RORA: variants seen among roughly 807,000 people sequenced by gnomAD.
RORA encodes the protein RAR related orphan receptor A.
RORA carries 7 observed loss-of-function variants against 69.5 expected under a neutral mutation model. The ratio of observed to expected loss-of-function variants is 0.10; its 90% CI spans 0.06 to 0.19. The LOEUF (loss-of-function observed/expected upper bound fraction) is 0.19, where lower values mean the gene tolerates loss of function less well. Among genes scored for constraint, RORA ranks in the 10% least tolerant of loss-of-function variants. The pLI is 1.00. For synonymous variants in RORA, 261 were observed against 240.8 expected (o/e 1.08, Z -0.78); for missense variants, 457 against 663.0 (o/e 0.69, Z 3.41).
chr15:60,938,131 T>C (rs1364989159), intron 1 of RORA, among the ~76,000 whole-genome samples: 1 of 152,196 alleles, frequency 6.6e-6, no homozygotes, highest in African/African-American at 2.4e-5. Context: ...TGAAAATTGA[T>C]TTTTGAGGGC....
intron 2 of RORA, among the ~76,000 whole-genome samples, chr15:60,539,833 T>C (rs757432816): frequency 2.6e-5 from 4 of 152,196 alleles, no homozygotes; most frequent in Admixed American, 6.5e-5. Context: ...ATAAAGGTAA[T>C]TGGCTATTTA....
At chr15:60,527,275 C>T (rs79578640) in intron 3 of RORA, among the ~76,000 whole-genome samples, 3,890 of 152,312 alleles carry the variant, frequency 0.026, 171 homozygotes, top group African/African-American at 0.09. Context: ...CAAATGTTCA[C>T]CCTCATCATC....
chr15:60,999,256 G>A (rs1311381172), intron 1 of RORA, among the ~76,000 whole-genome samples: 6 of 152,110 alleles, frequency 3.9e-5, no homozygotes, highest in Non-Finnish European at 8.8e-5. Context: ...TTCCTCTCAC[G>A]GCATACGGAG....
In RORA at chr15:60,586,222, A is replaced by T. The variant is rs1417383389; in HGVS notation, c.197-54371T>A. Among the ~76,000 whole-genome samples, 4 of 152,216 alleles carry T rather than the reference A, an allele frequency of 2.6e-5. No homozygotes were observed. The East Asian group carries it at 7.7e-4, about 29-fold the overall frequency. ...GATGTTATCTTTAAAATTTTAAAAC[A>T]AAAGTTTTTCATCTTTAAGTCATGG... is the stretch of plus-strand genomic sequence containing the variant. On this transcript the variant is annotated intron_variant, in intron 2 of 10. Coordinates refer to ENST00000335670, the MANE Select transcript of RORA (RefSeq NM_134261.3).
intron 2 of RORA, among the ~76,000 whole-genome samples, chr15:60,595,462 C>G (rs972092487): frequency 2.0e-5 from 3 of 151,694 alleles, no homozygotes; most frequent in Non-Finnish European, 4.4e-5. Context: ...TTGCAGTGAG[C>G]TGAGATCACA....
chr15:60,606,505 A>G (rs988517254), intron 2 of RORA, among the ~76,000 whole-genome samples: 26 of 152,228 alleles, frequency 1.7e-4, no homozygotes, highest in African/African-American at 6.0e-4. Flanking sequence ...CTAGAACATG[A>G]AAGACCAGTA....
chr15:60,500,595 C>CA (rs1366030729), intron 9 of RORA, among the ~76,000 whole-genome samples: 4 of 151,730 alleles, frequency 2.6e-5, no homozygotes, highest in African/African-American at 9.7e-5. Flanking sequence ...TGGATTTTAA[C>CA]AAAAAAATAG....
At position 60,783,153 on chromosome 15, in the gene RORA, G is replaced by A. The variant is rs540319007; in HGVS notation, c.167-104467C>T. Among the ~76,000 whole-genome samples the A allele has an allele frequency of 5.3e-5, 8 of 152,204 alleles. No individual in the cohort carries two copies. In the South Asian group the frequency reaches 1.7e-3, roughly 32 times the overall value. On this transcript the variant is annotated intron_variant, in intron 1 of 10. Coordinates refer to ENST00000335670, the MANE Select transcript of RORA (RefSeq NM_134261.3). ...ATTGATAATGGAATAGTAAAAAAAA[G>A]AAATCAAACTGCAAATACAAAGGGG...
At position 61,049,507 on chromosome 15, in the gene RORA, A is replaced by G. The variant is rs186402070; in HGVS notation, c.166+179546T>C. Among the ~76,000 whole-genome samples, 552 of 152,334 alleles carry G rather than the reference A, an allele frequency of 3.6e-3. 1 individual carries two copies. The highest frequency in any genetic ancestry group is 0.014 in the Middle Eastern group (4 of 294). On this transcript the variant is annotated intron_variant, in intron 1 of 10. Coordinates refer to ENST00000335670, the MANE Select transcript of RORA (RefSeq NM_134261.3). ...ACAGTAGGTGGACTTTTGTGAGTCA[A>G]CATAAAAAAATCCAGCATTTCTAAC... is the stretch of plus-strand genomic sequence containing the variant.
At chr15:60,990,105 T>C (rs1566935448) in intron 1 of RORA, among the ~76,000 whole-genome samples, 1 of 152,226 alleles carries the variant, frequency 6.6e-6, no homozygotes, top group Non-Finnish European at 1.5e-5. Context: ...AGCTTTTTGT[T>C]TCCCAGGAAA....
At chr15:60,853,008 C>T (rs187814274) in intron 1 of RORA, among the ~76,000 whole-genome samples, 3 of 152,236 alleles carry the variant, frequency 2.0e-5, no homozygotes, top group Non-Finnish European at 1.5e-5. Context: ...TTGTGTCTGT[C>T]GCTGTGGCAA....
chr15:60,812,881 T>C (rs1367064442), intron 1 of RORA, among the ~76,000 whole-genome samples: 1 of 152,214 alleles, frequency 6.6e-6, no homozygotes, highest in African/African-American at 2.4e-5. Context: ...AGAAGGGGCA[T>C]GTCCTATCAT....
chr15:60,728,564 C>G (rs969288000), intron 1 of RORA, among the ~76,000 whole-genome samples: 2 of 152,124 alleles, frequency 1.3e-5, no homozygotes, highest in Non-Finnish European at 2.9e-5. Context: ...CAGAGACACA[C>G]AATTCACTTA....
At chr15:60,912,162 G>C (rs1358874179) in intron 1 of RORA, among the ~76,000 whole-genome samples, 1 of 151,484 alleles carries the variant, frequency 6.6e-6, no homozygotes, top group African/African-American at 2.4e-5. Flanking sequence ...TATAATCCCA[G>C]TACTTTGGGC....
chr15:60,546,697 G>T (rs866177811), intron 2 of RORA, among the ~76,000 whole-genome samples: 1 of 152,122 alleles, frequency 6.6e-6, no homozygotes. Flanking sequence ...GCACACCCTT[G>T]TCCTCAACCC....
Position 61,147,073 on chromosome 15 carries a change from T to C in RORA, c.166+81980A>G, listed in dbSNP as rs550684485. Among the ~76,000 whole-genome samples, 106 of 152,154 alleles carry C rather than the reference T, an allele frequency of 7.0e-4. No individual in the cohort carries two copies. The highest frequency in any genetic ancestry group is 1.9e-3 in the South Asian group (9 of 4,808). On this transcript the variant is annotated intron_variant, in intron 1 of 10. Transcript: ENST00000335670. This position sits in a 1 kb window ranked among gnomAD's most constrained non-coding sequence, Gnocchi z 4.1. Reference sequence around the variant, plus strand: ...CATTTCCTCTGCCACCTCTGAGTGCTTGGAGAGCACCAAGCGGGCCAGACA... The same window carrying C: ...CATTTCCTCTGCCACCTCTGAGTGCCTGGAGAGCACCAAGCGGGCCAGACA...
At chr15:60,792,432 ACAT>A (rs1360699478) in intron 1 of RORA, among the ~76,000 whole-genome samples, 2 of 152,212 alleles carry the variant, frequency 1.3e-5, no homozygotes, top group Non-Finnish European at 2.9e-5. Context: ...ATGGTTAAAG[ACAT>A]CAACTTATAG....
intron 2 of RORA, among the ~76,000 whole-genome samples, chr15:60,645,978 G>T (rs2070038146): frequency 1.3e-5 from 2 of 152,146 alleles, no homozygotes; most frequent in African/African-American, 4.8e-5. Flanking sequence ...CCATATGTGA[G>T]CATGAAAACA....
chr15:60,894,354 C>T (rs1891168803), intron 1 of RORA, among the ~76,000 whole-genome samples: 1 of 152,166 alleles, frequency 6.6e-6, no homozygotes, highest in African/African-American at 2.4e-5. Flanking sequence ...TCAATCTCTC[C>T]CGCCACACCC....
Sources: allele counts gnomAD v4.1 joint callset (sites outside exome capture counted in the v4.1 genomes callset), GRCh38; gene constraint gnomAD v4.1.1; non-coding constraint Gnocchi (gnomAD v3.1); transcripts MANE v1.5; gene names NCBI Gene and HGNC (gene_info 2026-07-23, HGNC 2026-07-21).